OSBPL1A: variants seen among roughly 807,000 people sequenced by gnomAD.
OSBPL1A encodes the protein oxysterol binding protein like 1A.
OSBPL1A carries 80 observed loss-of-function variants against 137.1 expected under a neutral mutation model. The ratio of observed to expected loss-of-function variants is 0.58; its 90% confidence interval spans 0.49 to 0.70. The LOEUF is 0.70. OSBPL1A is among the 30% of genes least tolerant of loss of function. The pLI is 0.00. For missense variants in OSBPL1A, 970 were observed against 1,129.4 expected (o/e 0.86, Z 2.02); for synonymous variants, 365 against 389.7 (o/e 0.94, Z 0.75).
At chr18:24,385,602 G>A (rs1345897335) in intron 1 of OSBPL1A, among the ~76,000 whole-genome samples, 1 of 152,088 alleles carries the variant, frequency 6.6e-6, no homozygotes, top group African/African-American at 2.4e-5. Flanking sequence ...ACCAAGGGAG[G>A]AATGTGTTTC....
At chr18:24,236,537 C>T (rs1254405367) in intron 16 of OSBPL1A, among the ~76,000 whole-genome samples, 3 of 152,168 alleles carry the variant, frequency 2.0e-5, no homozygotes, top group Admixed American at 2.0e-4. Flanking sequence ...CTACACTGTG[C>T]CAAATTATTC....
intron 1 of OSBPL1A, among the ~76,000 whole-genome samples, chr18:24,386,404 C>T (rs8086289): frequency 0.34 from 52,302 of 152,068 alleles, 9,470 homozygotes; most frequent in East Asian, 0.46. Context: ...TCCAAGCAAT[C>T]TGACACTACA....
At chr18:24,228,588 C>T (rs895793817) in intron 16 of OSBPL1A, among the ~76,000 whole-genome samples, 6 of 152,098 alleles carry the variant, frequency 3.9e-5, no homozygotes, top group East Asian at 3.9e-4. Flanking sequence ...TGTGAACAAA[C>T]GAGTTCAGTA....
chr18:24,165,847 G>C (rs898216701), intron 26 of OSBPL1A, among the ~76,000 whole-genome samples: 1 of 152,188 alleles, frequency 6.6e-6, no homozygotes, highest in Non-Finnish European at 1.5e-5. Context: ...TGTAATCCCA[G>C]CACTTTGGGA....
At chr18:24,192,022 C>T (rs1025723583) in intron 18 of OSBPL1A, among the ~76,000 whole-genome samples, 4 of 152,192 alleles carry the variant, frequency 2.6e-5, no homozygotes, top group African/African-American at 9.7e-5. Context: ...TGATACAACA[C>T]TTTTCTTTCA....
intron 16 of OSBPL1A, among the ~76,000 whole-genome samples, chr18:24,233,081 G>A (rs1309135592): frequency 6.6e-6 from 1 of 152,180 alleles, no homozygotes; most frequent in Non-Finnish European, 1.5e-5. Context: ...AGTAAGAAAA[G>A]TAATGCGTTC....
At chr18:24,204,246 G>A (rs941878058) in intron 17 of OSBPL1A, among the ~76,000 whole-genome samples, 3 of 152,212 alleles carry the variant, frequency 2.0e-5, no homozygotes, top group African/African-American at 7.2e-5. Context: ...CTGCGGTAAT[G>A]ATGCTACCTT....
At chr18:24,358,103 A>G (rs925335745) in intron 4 of OSBPL1A, 8 of 268,392 alleles carry the variant, frequency 3.0e-5, no homozygotes, top group African/African-American at 1.3e-4. Context: ...TACGTGGAAG[A>G]ACAGGTTTAG....
At chr18:24,315,852 T>A (rs1411035582) in intron 11 of OSBPL1A, among the ~76,000 whole-genome samples, 18 of 117,746 alleles carry the variant, frequency 1.5e-4, no homozygotes, top group African/African-American at 5.5e-4. Flanking sequence ...TATAATAAAA[T>A]ATATAATATA....
At chr18:24,173,868 C>T (rs1003584278) in intron 21 of OSBPL1A, among the ~76,000 whole-genome samples, 1 of 152,250 alleles carries the variant, frequency 6.6e-6, no homozygotes, top group Non-Finnish European at 1.5e-5. Flanking sequence ...TTTGTTCATA[C>T]TTCTCCTGGT....
chr18:24,256,964 C>CA (rs201880387), intron 15 of OSBPL1A, among the ~76,000 whole-genome samples: 5,523 of 29,402 alleles, frequency 0.19, 1,788 homozygotes, highest in African/African-American at 0.24. Flanking sequence ...GAAGAGGATG[C>CA]AAAAAAAAAA....
intron 17 of OSBPL1A, among the ~76,000 whole-genome samples, chr18:24,210,179 C>A (rs528033380): frequency 2.0e-4 from 31 of 152,146 alleles, no homozygotes; most frequent in Non-Finnish European, 4.3e-4. Context: ...GTAATCCTAG[C>A]ACTTTGGGAG....
chr18:24,178,180 A>G lies in OSBPL1A; in HGVS notation c.1926T>C (p.Phe642=). The change falls in exon 21 of 28, where the codon TTT becomes TTC. Residue 642 remains phenylalanine (F), a synonymous_variant. Coordinates refer to ENST00000319481, the MANE Select transcript of OSBPL1A (RefSeq NM_080597.4). Reference sequence around the variant, plus strand: ...GGCTGACCTGTTCGGAGATGAGTCTAAATCCAAGGTCATCTCTTAAGATTT... The same window carrying G: ...GGCTGACCTGTTCGGAGATGAGTCTGAATCCAAGGTCATCTCTTAAGATTT... The part of the protein sequence containing the change: ...TYELVRDDLG[F]RLISEQVSHH... The G allele has an allele frequency of 1.3e-6, 2 of 1,589,144 alleles. No individual in the cohort carries two copies. Among genetic ancestry groups the G allele is most frequent in the Non-Finnish European group, 1.7e-6 (2 of 1,165,208 alleles).
rs572919218 is a variant in OSBPL1A at position 24,334,581 on chromosome 18, A to G, written c.395-251T>C. ...TCACTAACAATAACCATCAAAACTA[A>G]TTATGGATTACTTTTATGTACCGAA... On this transcript the variant is annotated intron_variant, in intron 5 of 27. Coordinates refer to ENST00000319481, the MANE Select transcript of OSBPL1A (RefSeq NM_080597.4). Among the ~76,000 whole-genome samples, 3 of 152,336 alleles carry G rather than the reference A, an allele frequency of 2.0e-5. No homozygotes were observed. In the South Asian group the frequency reaches 6.2e-4, roughly 32 times the overall value.
chr18:24,216,785 T>C (rs1448894646), intron 17 of OSBPL1A, among the ~76,000 whole-genome samples: 1 of 152,138 alleles, frequency 6.6e-6, no homozygotes, highest in East Asian at 1.9e-4. Context: ...GAGGAAAGGT[T>C]TCAGCTGTCT....
chr18:24,385,156 G>T (rs1460247160), intron 1 of OSBPL1A, among the ~76,000 whole-genome samples: 2 of 152,036 alleles, frequency 1.3e-5, no homozygotes, highest in East Asian at 3.9e-4. Context: ...GGGTTTCACT[G>T]TGTTAGCCAG....
chr18:24,336,722 C>T (rs2091181974), intron 5 of OSBPL1A, among the ~76,000 whole-genome samples: 1 of 152,176 alleles, frequency 6.6e-6, no homozygotes, highest in Non-Finnish European at 1.5e-5. Flanking sequence ...CAAAGTCTAC[C>T]TCTGTCCTGA....
At chr18:24,274,958 A>C (rs1201539988) in intron 15 of OSBPL1A, among the ~76,000 whole-genome samples, 1 of 152,058 alleles carries the variant, frequency 6.6e-6, no homozygotes, top group Non-Finnish European at 1.5e-5. Context: ...GCTACAAAGG[A>C]AGGAGAAGCC....
In OSBPL1A at chr18:24,171,428, C is replaced by T. The variant is rs1599428599; in HGVS notation, c.2272G>A (p.Gly758Ser). 1 of 1,612,942 alleles carries T rather than the reference C, an allele frequency of 6.2e-7. No individual in the cohort carries two copies. Among genetic ancestry groups the T allele is most frequent in the Non-Finnish European group, 8.5e-7 (1 of 1,179,354 alleles). Residue 758 changes from glycine to serine, a missense_variant, in exon 23 of 28, where the codon GGC (glycine) becomes AGC (serine). This residue lies in a region of OSBPL1A where 323 missense variants were observed against 456.8 expected (regional missense o/e 0.71). Transcript: ENST00000319481. The stretch of plus-strand genomic sequence containing the variant: ...TTTTACCTTTTATCTTGAATGTAGC[C>T]TTCAACTTTGTGTAATTCCTTACCA... ...LFGKELHKVE[G>S]YIQDKSKKKL...
Sources: allele counts gnomAD v4.1 joint callset (sites outside exome capture counted in the v4.1 genomes callset), GRCh38; gene constraint gnomAD v4.1.1; regional missense constraint gnomAD v4.1.1; transcripts MANE v1.5; gene names NCBI Gene and HGNC (gene_info 2026-07-23, HGNC 2026-07-21).